The following NLRP12 variants were observed in gnomAD, a reference collection of about 807,000 sequenced individuals.
The protein encoded by NLRP12 is NACHT, LRR and PYD domains-containing protein 12.
In NLRP12, 108 loss-of-function variants were observed where a neutral mutation model predicts 91.2. The observed-to-expected ratio is 1.18, with a 90% CI of 1.01 to 1.39. The LOEUF is 1.39. Among genes scored for constraint, NLRP12 ranks in the 40% most tolerant of loss-of-function variants. The pLI, the probability that NLRP12 is intolerant of heterozygous loss-of-function variation, is 0.00. For missense variants in NLRP12, 1,530 were observed against 1,352.7 expected, an observed-to-expected ratio of 1.13 and a Z score of -2.06; for synonymous variants, 613 against 566.7, an observed-to-expected ratio of 1.08 and a Z score of -1.16.
Position 53,824,230 on chromosome 19 carries a change from CG to C in NLRP12, c.-57del. The C allele has an allele frequency of 6.3e-7, 1 of 1,579,994 alleles. No homozygotes were observed. The highest frequency in any genetic ancestry group is 8.7e-7 in the Non-Finnish European group (1 of 1,155,990). ...CTGGAGGCTGAGATGCTCCTATGCA[CG>C]GGACACAGGGCGACCCCAGCACACC... On this transcript the variant is annotated 5_prime_UTR_variant, in exon 1 of 10. The change abolishes the stop of an existing upstream ORF in the 5' untranslated region. Coordinates refer to ENST00000324134, the MANE Select transcript of NLRP12 (RefSeq NM_144687.4).
Position 53,819,483 on chromosome 19 carries a change from G to GTA in NLRP12, c.289+4401_289+4402dup, listed in dbSNP as rs1333292734. 1.4e-4 allele frequency among the ~76,000 whole-genome samples: 2 copies of GTA among 14,102 alleles called. 1 individual carries two copies. Among genetic ancestry groups the GTA allele is most frequent in the African/African-American group, 2.9e-4 (2 of 6,858 alleles). The allele number at this position is 14,102 out of a possible 152,430, so 9.3% of individuals were successfully genotyped here. ...TGTGTGTGTGTGTGTGTGTGTGTGT[G>GTA]TATATACATATGTGTATATATATGT... On this transcript the variant is annotated intron_variant, in intron 1 of 9. Transcript: ENST00000324134.
At chr19:53,796,956 C>T (rs1475053591) in intron 8 of NLRP12, among the ~76,000 whole-genome samples, 1 of 145,888 alleles carries the variant, frequency 6.9e-6, no homozygotes, top group Non-Finnish European at 1.5e-5. Flanking sequence ...CGTGCCACTG[C>T]ACTCCAGGGT....
chr19:53,820,198 T>A (rs889129416), intron 1 of NLRP12, among the ~76,000 whole-genome samples: 1 of 152,054 alleles, frequency 6.6e-6, no homozygotes, highest in African/African-American at 2.4e-5. Context: ...AAGGCGTCCA[T>A]GTCACAGTAG....
intron 6 of NLRP12, among the ~76,000 whole-genome samples, chr19:53,803,460 G>A (rs530367360): frequency 4.6e-5 from 7 of 152,012 alleles, no homozygotes; most frequent in African/African-American, 1.4e-4. Context: ...GATTACAGGC[G>A]TGAACTACCG....
rs2092038477 is a variant in NLRP12 at position 53,810,063 on chromosome 19, C to T, written c.1596G>A (p.Glu532=). ...CGTCCTGGTCTGGGCCTGCCCCGCC[C>T]TCCCCCTCGTCCAGGATATAGTACA... ...AAMYYILDEG[E]GGAGPDQDVT... The change falls in exon 3 of 10, where the codon GAG becomes GAA. Residue 532 remains glutamate (E), a synonymous_variant. Transcript: ENST00000324134. 6.2e-7 allele frequency: 1 copy of T among 1,614,136 alleles called. No individual in the cohort carries two copies. Among genetic ancestry groups the T allele is most frequent in the Non-Finnish European group, 8.5e-7 (1 of 1,180,030 alleles).
In NLRP12 at chr19:53,814,980, G is replaced by T. The variant is rs200813801; in HGVS notation, c.298C>A (p.Pro100Thr). The T allele has an allele frequency of 1.9e-6, 3 of 1,613,658 alleles. No homozygotes were observed. Among genetic ancestry groups the T allele is most frequent in the South Asian group, 2.2e-5 (2 of 91,082 alleles). The change falls in exon 2 of 10, where the codon CCT (proline) becomes ACT (threonine). Residue 100 changes from proline to threonine, a missense_variant. Transcript: ENST00000324134. ...QREDLVRDTP[P>T]GGPSSLGNQS... ...TTCCCAAGTGAGGACGGGCCACCAG[G>T]TGGGGTATCTGGAAGAGAAATTGTG... is the stretch of plus-strand genomic sequence containing the variant.
intron 9 of NLRP12, among the ~76,000 whole-genome samples, chr19:53,795,083 G>A (rs892647437): frequency 5.4e-5 from 8 of 147,718 alleles, no homozygotes; most frequent in Admixed American, 1.4e-4. Flanking sequence ...GATTAGAGGT[G>A]TGTGCCACCA....
intron 2 of NLRP12, among the ~76,000 whole-genome samples, chr19:53,811,903 T>A (rs2092082833): frequency 6.6e-6 from 1 of 152,006 alleles, no homozygotes; most frequent in Non-Finnish European, 1.5e-5. Context: ...ATAGAACGGG[T>A]ACATTACCAG....
At chr19:53,818,773 G>A (rs2092202503) in intron 1 of NLRP12, among the ~76,000 whole-genome samples, 1 of 152,184 alleles carries the variant, frequency 6.6e-6, no homozygotes, top group Non-Finnish European at 1.5e-5. Context: ...GCGAGAACCA[G>A]CCACATCAAA....
chr19:53,818,634 C>T (rs936182414), intron 1 of NLRP12, among the ~76,000 whole-genome samples: 5 of 151,856 alleles, frequency 3.3e-5, no homozygotes, highest in East Asian at 1.9e-4. Flanking sequence ...CACTGCACTC[C>T]GGCCTGGGTG....
intron 1 of NLRP12, among the ~76,000 whole-genome samples, chr19:53,818,954 A>C (rs535978799): frequency 6.6e-6 from 1 of 152,230 alleles, no homozygotes; most frequent in South Asian, 2.1e-4. Context: ...CCAGGGGCAT[A>C]TCGATTCTCC....
At chr19:53,814,287 G>A (rs2092123904) in intron 2 of NLRP12, among the ~76,000 whole-genome samples, 1 of 152,146 alleles carries the variant, frequency 6.6e-6, no homozygotes, top group South Asian at 2.1e-4. Flanking sequence ...AGATTCCCCA[G>A]TACTGACCAG....
chr19:53,806,950 C>T (rs898403487), intron 4 of NLRP12, among the ~76,000 whole-genome samples: 2 of 152,090 alleles, frequency 1.3e-5, no homozygotes, highest in Non-Finnish European at 2.9e-5. Context: ...CAGTGATCTG[C>T]AGGCCCAGGA....
intron 1 of NLRP12, 46 bp from the exon 2 acceptor site, chr19:53,815,034 T>C: frequency 7.3e-7 from 1 of 1,376,738 alleles, no homozygotes; most frequent in African/African-American, 1.4e-5. Flanking sequence ...ATCTGGCTAG[T>C]AGCACCGCGT....
chr19:53,805,122 C>T (rs182061816), intron 5 of NLRP12, among the ~76,000 whole-genome samples, 158 bp downstream of exon 5: 4 of 152,242 alleles, frequency 2.6e-5, no homozygotes, highest in African/African-American at 4.8e-5. Context: ...AGCAGGTCTT[C>T]CAAAGTGCCT....
chr19:53,810,764 G>A lies in NLRP12; in HGVS notation c.895C>T (p.Leu299Phe), dbSNP rs1293984599. 6.2e-7 allele frequency: 1 copy of A among 1,613,892 alleles called. No individual in the cohort carries two copies. The highest frequency in any genetic ancestry group is 8.5e-7 in the Non-Finnish European group (1 of 1,179,958). ...LLFIIDGFDE[L>F]KPSFHDPQGP... ...TGAGGATCGTGGAAAGAAGGCTTGA[G>A]CTCATCGAAGCCGTCGATGATGAAA... The change falls in exon 3 of 10, where the codon CTC (leucine) becomes TTC (phenylalanine). Residue 299 changes from leucine (L) to phenylalanine (F), a missense_variant. By Grantham distance (22) the Leu-to-Phe change is conservative. Transcript: ENST00000324134.
At chr19:53,818,406 G>T (rs764750779) in intron 1 of NLRP12, among the ~76,000 whole-genome samples, 1 of 151,814 alleles carries the variant, frequency 6.6e-6, no homozygotes, top group Non-Finnish European at 1.5e-5. Flanking sequence ...GGTGGCTCAC[G>T]CCTGTAATCC....
At chr19:53,820,798 C>T (rs1457260793) in intron 1 of NLRP12, among the ~76,000 whole-genome samples, 1 of 150,330 alleles carries the variant, frequency 6.7e-6, no homozygotes, top group East Asian at 2.0e-4. Context: ...CGCCATTCTC[C>T]TGCCTCAGCC....
chr19:53,798,675 G>A (rs905566714), intron 7 of NLRP12, among the ~76,000 whole-genome samples: 2 of 152,186 alleles, frequency 1.3e-5, no homozygotes, highest in African/African-American at 2.4e-5. Flanking sequence ...GCTTGAGGCT[G>A]GAGGGTTTTT....
Sources: gnomAD v4.1 joint callset for allele counts (sites outside exome capture counted in the v4.1 genomes callset) on GRCh38, gnomAD v4.1.1 for gene constraint, MANE v1.5 for transcripts, NCBI Gene and HGNC (gene_info 2026-07-23, HGNC 2026-07-21) for gene names.